The following RASGRF2 variants were observed in gnomAD, a reference collection of about 807,000 sequenced individuals.
RASGRF2 encodes ras-specific guanine nucleotide-releasing factor 2.
A neutral mutation model predicts 151.0 loss-of-function variants in RASGRF2; 76 were observed. The observed-to-expected ratio is 0.50, with a 90% CI of 0.42 to 0.61. RASGRF2 has a LOEUF of 0.61. RASGRF2 is among the 20% of genes least tolerant of loss of function. The pLI is 0.00. For missense variants in RASGRF2, 1,148 were observed against 1,564.6 expected, an observed-to-expected ratio of 0.73 and a Z score of 4.49; for synonymous variants, 504 against 566.5, an observed-to-expected ratio of 0.89 and a Z score of 1.57.
chr5:81,213,332 C>A (rs370665612), intron 23 of RASGRF2, among the ~76,000 whole-genome samples: 1 of 147,558 alleles, frequency 6.8e-6, no homozygotes, highest in African/African-American at 2.5e-5. Flanking sequence ...TGGCTGACCT[C>A]GTCTCAGGGG....
At chr5:81,159,477 A>G (rs1754333969) in intron 17 of RASGRF2, among the ~76,000 whole-genome samples, 1 of 152,246 alleles carries the variant, frequency 6.6e-6, no homozygotes. Context: ...GTACTCTACG[A>G]TTCCTTTACG....
intron 1 of RASGRF2, among the ~76,000 whole-genome samples, chr5:81,034,863 G>A (rs1486578048): frequency 6.6e-6 from 1 of 151,006 alleles, no homozygotes; most frequent in Non-Finnish European, 1.5e-5. Context: ...CAAGTTAGTG[G>A]GTGCAGTGCA....
chr5:81,066,013 T>C (rs1261654004), intron 2 of RASGRF2, among the ~76,000 whole-genome samples: 2 of 152,158 alleles, frequency 1.3e-5, no homozygotes, highest in Admixed American at 6.5e-5. Context: ...TTTTTCTTTT[T>C]CTTTTTTAAG....
chr5:81,152,664 A>T (rs1267908509), intron 17 of RASGRF2, among the ~76,000 whole-genome samples: 2 of 152,224 alleles, frequency 1.3e-5, no homozygotes, highest in African/African-American at 4.8e-5. Flanking sequence ...TCCCCAAAAC[A>T]ATGACAAAAT....
rs763322899 is a variant in RASGRF2 at position 81,068,161 on chromosome 5, C to T, written c.525C>T (p.Ile175=). The change falls in exon 3 of 27, where the codon ATC becomes ATT. Residue 175 remains isoleucine, a synonymous_variant. Transcript: ENST00000265080. ...AACTTGAAGATCAAGACACAGAAAT[C>T]GAAAGGCTTAAATCAGAGGTATTTC... The part of the protein sequence containing the change: ...RHQLEDQDTE[I]ERLKSEIIAL... 6 of 1,611,710 alleles carry T rather than the reference C, an allele frequency of 3.7e-6. No homozygotes were observed. Among genetic ancestry groups the T allele is most frequent in the East Asian group, 2.2e-5 (1 of 44,846 alleles).
chr5:81,031,369 A>C (rs1401639583), intron 1 of RASGRF2, among the ~76,000 whole-genome samples: 2 of 152,208 alleles, frequency 1.3e-5, no homozygotes, highest in Admixed American at 1.3e-4. Context: ...ACCACTTAAC[A>C]CATATTCCAA....
chr5:81,094,771 T>C, intron 11 of RASGRF2, 85 bp from the exon 12 acceptor site: 2 of 1,407,134 alleles, frequency 1.4e-6, no homozygotes, highest in Non-Finnish European at 2.0e-6. Context: ...GCAAATGGAT[T>C]GTATAAATAG....
chr5:80,969,843 T>TTTTTTTG (rs1747871398), intron 1 of RASGRF2, among the ~76,000 whole-genome samples: 1 of 132,732 alleles, frequency 7.5e-6, no homozygotes, highest in African/African-American at 3.0e-5. Context: ...TTTTTTTTTT[T>TTTTTTTG]GAGACAGAGT....
chr5:81,114,306 G>C (rs1046928689), intron 15 of RASGRF2, among the ~76,000 whole-genome samples: 1 of 152,240 alleles, frequency 6.6e-6, no homozygotes, highest in Non-Finnish European at 1.5e-5. Flanking sequence ...AGGCTGCAGA[G>C]CTTTCTCCTC....
chr5:81,085,325 G>A (rs1460092694), intron 7 of RASGRF2, among the ~76,000 whole-genome samples: 1 of 152,182 alleles, frequency 6.6e-6, no homozygotes, highest in East Asian at 1.9e-4. Context: ...TTGAGATAAA[G>A]TAGAAACAGA....
intron 17 of RASGRF2, among the ~76,000 whole-genome samples, chr5:81,174,020 A>G (rs1212062093): frequency 6.6e-6 from 1 of 152,228 alleles, no homozygotes; most frequent in African/African-American, 2.4e-5. Flanking sequence ...TATCTCGGAG[A>G]CAATAACTGA....
At chr5:81,221,602 G>T (rs1318023070) in intron 26 of RASGRF2, among the ~76,000 whole-genome samples, 3 of 152,104 alleles carry the variant, frequency 2.0e-5, no homozygotes, top group Non-Finnish European at 4.4e-5. Context: ...TATAATCTTA[G>T]CACTTGGGGA....
intron 1 of RASGRF2, among the ~76,000 whole-genome samples, chr5:81,002,898 G>A (rs941660051): frequency 1.3e-5 from 2 of 152,098 alleles, no homozygotes; most frequent in Non-Finnish European, 2.9e-5. Context: ...TGCTTATGGG[G>A]AAAAAATGCC....
At chr5:81,147,013 C>G (rs1273743308) in intron 17 of RASGRF2, among the ~76,000 whole-genome samples, 1 of 152,106 alleles carries the variant, frequency 6.6e-6, no homozygotes, top group African/African-American at 2.4e-5. Flanking sequence ...TGCTTCTACT[C>G]TTTAAGAACT....
chr5:81,193,182 T>A (rs1755187325), intron 18 of RASGRF2, among the ~76,000 whole-genome samples: 2 of 152,192 alleles, frequency 1.3e-5, no homozygotes, highest in African/African-American at 2.4e-5. Context: ...GTCCTAGAGT[T>A]CCCTTGGCCA....
In RASGRF2 at chr5:81,201,458, G is replaced by T. The variant is rs941116571; in HGVS notation, c.2906+16G>T. 21 of 1,606,294 alleles carry T rather than the reference G, an allele frequency of 1.3e-5. No homozygotes were observed. Among genetic ancestry groups the T allele is most frequent in the Non-Finnish European group, 1.6e-5 (19 of 1,177,218 alleles). ...ATATCCTCAGGTGAAGGCAGCTGAA[G>T]ATGCCGACTGGATGACATTGGTTGA... On this transcript the variant is annotated intron_variant, in intron 19 of 26. Coordinates refer to ENST00000265080, the MANE Select transcript of RASGRF2 (RefSeq NM_006909.3).
intron 1 of RASGRF2, chr5:80,997,621 G>A (rs1358200093): frequency 6.6e-6 from 1 of 152,214 alleles, no homozygotes; most frequent in African/African-American, 2.4e-5. Context: ...AATAGTTTCA[G>A]TAGTTCATAT....
chr5:81,159,075 T>C (rs912117608), intron 17 of RASGRF2, among the ~76,000 whole-genome samples: 9 of 152,174 alleles, frequency 5.9e-5, no homozygotes, highest in African/African-American at 1.7e-4. Context: ...TAGTCAAATG[T>C]GATATATTAA....
Position 81,192,025 on chromosome 5 carries a change from A to G in RASGRF2, c.2794-9305A>G, listed in dbSNP as rs75091819. Among the ~76,000 whole-genome samples, 1,257 of 152,306 alleles carry G rather than the reference A, an allele frequency of 8.3e-3. 8 individuals are homozygous for G. The highest frequency in any genetic ancestry group is 0.013 in the Non-Finnish European group (909 of 68,024). On this transcript the variant is annotated intron_variant, in intron 18 of 26. Coordinates refer to ENST00000265080, the MANE Select transcript of RASGRF2 (RefSeq NM_006909.3). Reference sequence around the variant, plus strand: ...TAGCCTCCCACTTCACATCTGCTAAACTAATTTCCCAAACCACCAGTTTAA... The same window carrying G: ...TAGCCTCCCACTTCACATCTGCTAAGCTAATTTCCCAAACCACCAGTTTAA...
Sources: allele counts gnomAD v4.1 joint callset (sites outside exome capture counted in the v4.1 genomes callset), GRCh38; gene constraint gnomAD v4.1.1; transcripts MANE v1.5; gene names NCBI Gene and HGNC (gene_info 2026-07-23, HGNC 2026-07-21).